The following SART3 variants were observed in gnomAD, a reference collection of about 807,000 sequenced individuals.
SART3 encodes the protein HIV-1 Tat-interacting protein of 110kDa.
A neutral mutation model predicts 122.3 loss-of-function variants in SART3; 44 were observed. The observed-to-expected ratio is 0.36, with a 90% CI of 0.28 to 0.46. SART3 has a LOEUF of 0.46. SART3 is among the 20% of genes least tolerant of loss of function. The pLI, the probability that SART3 is intolerant of heterozygous loss-of-function variation, is 1.00. For missense variants in SART3, 1,101 were observed against 1,229.0 expected (o/e 0.90, Z 1.56); for synonymous variants, 442 against 454.0 (o/e 0.97, Z 0.34).
At position 108,524,475 on chromosome 12, in the gene SART3, G is replaced by C. The variant is rs1343308303; in HGVS notation, c.2555C>G (p.Ser852Cys). ...CTTCATCACAGCCTGCGACGCCTGG[G>C]ATTCATTTTCATACTCCACGTAGGC... is the stretch of plus-strand genomic sequence containing the variant. ...GLAYVEYENESQASQAVMKMD... is the reference protein window; with the variant it reads ...GLAYVEYENECQASQAVMKMD... The change falls in exon 18 of 19, where the codon TCC (serine) becomes TGC (cysteine). Residue 852 changes from serine (S) to cysteine (C), a missense_variant. Coordinates refer to ENST00000546815, the MANE Select transcript of SART3 (RefSeq NM_014706.4). 1.9e-6 allele frequency: 3 copies of C among 1,614,056 alleles called. No individual in the cohort carries two copies. In the African/African-American group the frequency reaches 4.0e-5, roughly 22 times the overall value.
chr12:108,537,613 T>C lies in SART3; in HGVS notation c.1202-18A>G, dbSNP rs1327218815. The C allele has an allele frequency of 6.3e-7, 1 of 1,598,180 alleles. No homozygotes were observed. The highest frequency in any genetic ancestry group is 1.1e-5 in the South Asian group (1 of 90,680). On this transcript the variant is annotated intron_variant, in intron 8 of 18. Transcript: ENST00000546815. ...GAAGGTTACTGGAGTTGGAGAAAAG[T>C]CAGGATTTGTTACCAATTCAAATGG...
At position 108,527,752 on chromosome 12, in the gene SART3, G is replaced by A. The variant is rs1443881453; in HGVS notation, c.1916-1199C>T. Reference sequence around the variant, plus strand: ...TATACAGAGTCCTTTCAAGTCCAGAGACAATTCTTTTTTTTGTTTTGTTTT... The same window carrying A: ...TATACAGAGTCCTTTCAAGTCCAGAAACAATTCTTTTTTTTGTTTTGTTTT... On this transcript the variant is annotated intron_variant, in intron 15 of 18. Coordinates refer to ENST00000546815, the MANE Select transcript of SART3 (RefSeq NM_014706.4). 2.0e-5 allele frequency among the ~76,000 whole-genome samples: 3 copies of A among 152,138 alleles called. No homozygotes were observed. In the East Asian group the frequency reaches 5.8e-4, roughly 29 times the overall value.
At chr12:108,534,373 G>C (rs1454359590) in intron 12 of SART3, among the ~76,000 whole-genome samples, 1 of 152,016 alleles carries the variant, frequency 6.6e-6, no homozygotes, top group African/African-American at 2.4e-5. Flanking sequence ...GTTATCTCTG[G>C]GGTGGGATTG....
At chr12:108,539,783 T>C (rs577986035) in intron 6 of SART3, among the ~76,000 whole-genome samples, 74 of 152,264 alleles carry the variant, frequency 4.9e-4, no homozygotes, top group Admixed American at 1.4e-3. Flanking sequence ...AGACTCCATA[T>C]GTAGAAAGGG....
intron 4 of SART3, 102 bp downstream of exon 4, chr12:108,545,037 T>G: frequency 8.3e-7 from 1 of 1,207,516 alleles, no homozygotes; most frequent in Non-Finnish European, 1.2e-6. Flanking sequence ...GTTAACTATA[T>G]GAACTGCAAG....
At chr12:108,531,724 C>G in intron 13 of SART3, 1 of 264,668 alleles carries the variant, frequency 3.8e-6, no homozygotes, top group South Asian at 4.6e-5. Flanking sequence ...TTCTAGCTAA[C>G]ACTGAAGGCT....
chr12:108,530,287 A>G lies in SART3; in HGVS notation c.1770T>C (p.Leu590=), dbSNP rs765631090. ...CAGCCTTTTCTTCTTCTTGCTGCAC[A>G]AGGGCTGCTTCCTTCTCTGCAGCCT... ...RMKAAEKEAA[L]VQQEEEKAEQ... is the part of the protein sequence containing the mutation. Residue 590 remains leucine (L), a synonymous_variant, in exon 15 of 19, where the codon CTT becomes CTC. Coordinates refer to ENST00000546815, the MANE Select transcript of SART3 (RefSeq NM_014706.4). 1.2e-6 allele frequency: 2 copies of G among 1,613,914 alleles called. No individual in the cohort carries two copies. The highest frequency in any genetic ancestry group is 1.7e-6 in the Non-Finnish European group (2 of 1,180,036).
At position 108,539,032 on chromosome 12, in the gene SART3, T is replaced by G. The variant is rs1309331917; in HGVS notation, c.964A>C (p.Lys322Gln). 1.9e-6 allele frequency: 3 copies of G among 1,614,144 alleles called. No individual in the cohort carries two copies. In the African/African-American group the frequency reaches 4.0e-5, roughly 22 times the overall value. ...TGAATGCGAGCAGGATCGCCAATTTTCATCTCAAAATCGATATATGCTTGA... is the reference window on the plus strand; with the variant it reads ...TGAATGCGAGCAGGATCGCCAATTTGCATCTCAAAATCGATATATGCTTGA... Reference protein sequence around the residue: ...EYQAYIDFEMKIGDPARIQLI... With the variant: ...EYQAYIDFEMQIGDPARIQLI... The change falls in exon 7 of 19, where the codon AAA (lysine) becomes CAA (glutamine). Residue 322 changes from lysine to glutamine, a missense_variant. Around this residue, in one of 2 missense-constraint regions of SART3, gnomAD observed 885 missense variants for 1,080.1 expected, o/e 0.82. Coordinates refer to ENST00000546815, the MANE Select transcript of SART3 (RefSeq NM_014706.4).
rs764365187 is a variant in SART3 at position 108,545,285 on chromosome 12, CAACT to C, written c.579_582del (p.Gly196LeufsTer25). The C allele has an allele frequency of 1.2e-6, 2 of 1,614,108 alleles. No individual in the cohort carries two copies. Among genetic ancestry groups the C allele is most frequent in the Non-Finnish European group, 1.7e-6 (2 of 1,180,004 alleles). ...AGGCCACCTTTCTGACCAATCCCAC[CAACT>C]GAGTACTGGCCATACTCTAGCCAAA... On this transcript the variant is annotated frameshift_variant, in exon 4 of 19. Transcript: ENST00000546815. LOFTEE classifies it high-confidence loss of function.
intron 14 of SART3, 95 bp downstream of exon 14, chr12:108,531,107 CTT>C: frequency 1.1e-6 from 1 of 896,610 alleles, no homozygotes; most frequent in Non-Finnish European, 1.9e-6. Context: ...GTAAAAGACA[CTT>C]AGGAAAATGT....
intron 3 of SART3, among the ~76,000 whole-genome samples, chr12:108,545,888 C>T (rs1946463128): frequency 6.8e-6 from 1 of 146,126 alleles, no homozygotes; most frequent in Non-Finnish European, 1.5e-5. Context: ...ATCGCTTGAA[C>T]CTGGGTAGGG....
rs556451069 is a variant in SART3, at chr12:108,537,016, G to C, written c.1310-231C>G. 78 of 542,794 alleles carry C rather than the reference G, an allele frequency of 1.4e-4. No homozygotes were observed. The Admixed American group carries it at 1.8e-3, about 12-fold the overall frequency. The allele number at this position is 542,794 out of a possible 1,614,324, so 33.6% of individuals were successfully genotyped here. The stretch of plus-strand genomic sequence containing the variant: ...AAAAGGCAAACACAGGGTGCTGTGG[G>C]GGGGAGTCTCCCCCAGCTGGGGTGA... On this transcript the variant is annotated intron_variant, in intron 9 of 18. Transcript: ENST00000546815.
chr12:108,529,781 C>G (rs1872565452), intron 15 of SART3, among the ~76,000 whole-genome samples: 1 of 151,446 alleles, frequency 6.6e-6, no homozygotes, highest in Non-Finnish European at 1.5e-5. Context: ...GGCCTGCCCC[C>G]TTACAAGACT....
chr12:108,545,052 A>G (rs1176579457), intron 4 of SART3, 87 bp downstream of exon 4: 1 of 1,308,480 alleles, frequency 7.6e-7, no homozygotes, highest in Non-Finnish European at 1.1e-6. Flanking sequence ...TGCAAGATTC[A>G]TCATGGACAT....
intron 15 of SART3, among the ~76,000 whole-genome samples, chr12:108,527,631 T>C (rs1872445472): frequency 6.6e-6 from 1 of 152,252 alleles, no homozygotes; most frequent in Non-Finnish European, 1.5e-5. Context: ...CTCAGTCATT[T>C]AGGAAAGCCC....
chr12:108,550,927 G>A (rs1193690984), intron 1 of SART3, among the ~76,000 whole-genome samples: 4 of 152,164 alleles, frequency 2.6e-5, no homozygotes, highest in Admixed American at 2.0e-4. Flanking sequence ...AGGAGAAACA[G>A]AAGAATGAGA....
At chr12:108,558,815 C>T (rs10861943) in intron 1 of SART3, among the ~76,000 whole-genome samples, 47,146 of 151,902 alleles carry the variant, frequency 0.31, 8,467 homozygotes, top group Middle Eastern at 0.46. Context: ...GGGCGGATCA[C>T]GAGGTCAGGA....
chr12:108,533,419 G>C (rs1593237116), intron 12 of SART3, among the ~76,000 whole-genome samples: 1 of 145,432 alleles, frequency 6.9e-6, no homozygotes. Flanking sequence ...ATTACTGTTT[G>C]AGTTGCAAGC....
In SART3 at chr12:108,522,806, CTAGGCAA is replaced by C; in HGVS notation, c.*644_*650del. ...TTTAGACAACACAGGTCACTAGTCACTAGGCAAAGAAAACAGTCCACAGCAGGTGGCA... is the reference window on the plus strand; with the variant it reads ...TTTAGACAACACAGGTCACTAGTCACAGAAAACAGTCCACAGCAGGTGGCA... On this transcript the variant is annotated 3_prime_UTR_variant, in exon 19 of 19. Coordinates refer to ENST00000546815, the MANE Select transcript of SART3 (RefSeq NM_014706.4). The C allele has an allele frequency of 6.5e-6, 1 of 154,328 alleles. No individual in the cohort carries two copies. Among genetic ancestry groups the C allele is most frequent in the Non-Finnish European group, 1.4e-5 (1 of 69,420 alleles). 9.6% of individuals were successfully genotyped at this position (154,328 alleles called of 1,614,324 possible).
Sources: allele counts gnomAD v4.1 joint callset (sites outside exome capture counted in the v4.1 genomes callset), GRCh38; gene constraint gnomAD v4.1.1; regional missense constraint gnomAD v4.1.1; transcripts MANE v1.5; gene names NCBI Gene and HGNC (gene_info 2026-07-23, HGNC 2026-07-21).